Variants in CLIP4 observed in about 807,000 individuals in gnomAD.
CLIP4 encodes CAP-Gly domain-containing linker protein 4.
In CLIP4, 47 loss-of-function variants were observed where a neutral mutation model predicts 73.1. That is an observed-to-expected ratio of 0.64 (90% CI 0.51 to 0.82). The LOEUF (loss-of-function observed/expected upper bound fraction) is 0.82. Ranked by LOEUF, CLIP4 falls within the 40% of genes least tolerant of loss-of-function variation. The probability of loss-of-function intolerance (pLI) is 0.00; values close to 1 mark genes in which losing one functional copy is unlikely to be tolerated. For synonymous variants in CLIP4, 306 were observed against 295.4 expected (o/e 1.04, Z -0.37); for missense variants, 874 against 852.9 (o/e 1.02, Z -0.31).
intron 11 of CLIP4, among the ~76,000 whole-genome samples, chr2:29,159,395 GA>G (rs1178697973): frequency 6.6e-6 from 1 of 152,090 alleles, no homozygotes; most frequent in Non-Finnish European, 1.5e-5. Flanking sequence ...TGTTATATTT[GA>G]ACAGCTTTCT....
At chr2:29,130,843 A>T (rs887339596) in intron 2 of CLIP4, 6 of 1,289,596 alleles carry the variant, frequency 4.7e-6, no homozygotes, top group Non-Finnish European at 6.1e-6. Flanking sequence ...AAAAACCTCA[A>T]TGAGTCCCAC....
At chr2:29,141,948 A>G (rs1333143424) in intron 6 of CLIP4, among the ~76,000 whole-genome samples, 5 of 151,820 alleles carry the variant, frequency 3.3e-5, no homozygotes, top group African/African-American at 1.2e-4. Context: ...AGCAAGTATT[A>G]TTTTTTTGTT....
At position 29,183,102 on chromosome 2, in the gene CLIP4, A is replaced by G. The variant is rs991758177; in HGVS notation, c.*1209A>G. Reference sequence around the variant, plus strand: ...ACAAACTAAGCTTCACATTAGAGTGATGTCATAATGTAAAATGTTTGCATT... The same window carrying G: ...ACAAACTAAGCTTCACATTAGAGTGGTGTCATAATGTAAAATGTTTGCATT... On this transcript the variant is annotated 3_prime_UTR_variant, in exon 16 of 16. Coordinates refer to ENST00000320081, the MANE Select transcript of CLIP4 (RefSeq NM_024692.6). The G allele has an allele frequency of 6.6e-6, 1 of 152,516 alleles. No homozygotes were observed. Among genetic ancestry groups the G allele is most frequent in the Non-Finnish European group, 1.5e-5 (1 of 68,028 alleles). 9.4% of individuals were successfully genotyped at this position (152,516 alleles called of 1,614,324 possible).
intron 1 of CLIP4, chr2:29,118,135 C>T (rs1663996597): frequency 6.6e-6 from 1 of 152,096 alleles, no homozygotes; most frequent in Middle Eastern, 3.2e-3. Flanking sequence ...AATGAAAGGG[C>T]CTCATGATTC....
intron 4 of CLIP4, among the ~76,000 whole-genome samples, chr2:29,133,271 A>G (rs998275430): frequency 6.6e-6 from 1 of 152,220 alleles, no homozygotes; most frequent in Admixed American, 6.5e-5. Context: ...AAGCAATAAA[A>G]GGTACACACA....
At chr2:29,134,644 G>C (rs1246932685) in intron 5 of CLIP4, among the ~76,000 whole-genome samples, 1 of 152,064 alleles carries the variant, frequency 6.6e-6, no homozygotes, top group Non-Finnish European at 1.5e-5. Context: ...TGCAGTTGTA[G>C]GAAGGGTATG....
At chr2:29,140,300 A>T (rs1013442420) in intron 6 of CLIP4, among the ~76,000 whole-genome samples, 2 of 151,998 alleles carry the variant, frequency 1.3e-5, no homozygotes, top group African/African-American at 2.4e-5. Flanking sequence ...TCATTGTTCA[A>T]TTCCCACCTA....
At chr2:29,140,802 G>A (rs1303014050) in intron 6 of CLIP4, among the ~76,000 whole-genome samples, 1 of 152,146 alleles carries the variant, frequency 6.6e-6, no homozygotes, top group Non-Finnish European at 1.5e-5. Flanking sequence ...TCTCATTGTG[G>A]TTTTGATTTG....
chr2:29,112,785 G>A (rs944790432), upstream of CLIP4, among the ~76,000 whole-genome samples: 10 of 152,244 alleles, frequency 6.6e-5, no homozygotes, highest in Admixed American at 1.3e-4. Flanking sequence ...TGACAGTTGG[G>A]TGTCTCTCAT....
At chr2:29,144,976 C>G (rs567463841) in intron 7 of CLIP4, among the ~76,000 whole-genome samples, 1 of 151,320 alleles carries the variant, frequency 6.6e-6, no homozygotes. Context: ...AATTAGGATT[C>G]TTATGTCTTC....
In CLIP4 at chr2:29,143,354, TC is replaced by T. The variant is rs763082307; in HGVS notation, c.649-351del. On this transcript the variant is annotated intron_variant, in intron 6 of 15. Coordinates refer to ENST00000320081, the MANE Select transcript of CLIP4 (RefSeq NM_024692.6). ...CCCTGACCACTTAATCTAAAGAGTT[TC>T]CCCTACAACCATCTCTGTCTCCACA... 2.4e-4 allele frequency among the ~76,000 whole-genome samples: 36 copies of T among 151,186 alleles called. 1 individual carries two copies. In the East Asian group the frequency reaches 2.7e-3, roughly 11 times the overall value.
intron 2 of CLIP4, among the ~76,000 whole-genome samples, chr2:29,122,105 C>T (rs902729482): frequency 6.6e-6 from 1 of 152,100 alleles, no homozygotes; most frequent in African/African-American, 2.4e-5. Context: ...TTCACCATTT[C>T]AAATTGTTTT....
intron 7 of CLIP4, 79 bp downstream of exon 7, chr2:29,144,024 G>C: frequency 8.3e-7 from 1 of 1,200,692 alleles, no homozygotes; most frequent in Non-Finnish European, 1.2e-6. Flanking sequence ...TATGGTCAGA[G>C]TTTTGAGTTT....
intron 1 of CLIP4, among the ~76,000 whole-genome samples, chr2:29,107,359 T>TTTTTTTTTG: frequency 6.3e-5 from 3 of 47,784 alleles, no homozygotes; most frequent in South Asian, 7.2e-4. Context: ...AACATGATAG[T>TTTTTTTTTG]TTTTTTTTTT....
At position 29,143,927 on chromosome 2, in the gene CLIP4, T is replaced by A. The variant is rs763411760; in HGVS notation, c.867T>A (p.Val289=). The A allele has an allele frequency of 6.2e-7, 1 of 1,614,122 alleles. No homozygotes were observed. The highest frequency in any genetic ancestry group is 1.3e-5 in the African/African-American group (1 of 75,062). ...TSLGLKLGDR[V]VIAGQKVGTL... is the part of the protein sequence containing the mutation. ...TTGGCCTGAAGTTGGGGGATCGTGTTGTTATTGCAGGACAGAAGGTACAGT... is the reference window on the plus strand; with the variant it reads ...TTGGCCTGAAGTTGGGGGATCGTGTAGTTATTGCAGGACAGAAGGTACAGT... Residue 289 remains valine (V), a synonymous_variant, in exon 7 of 16, where the codon GTT becomes GTA. Coordinates refer to ENST00000320081, the MANE Select transcript of CLIP4 (RefSeq NM_024692.6).
intron 8 of CLIP4, among the ~76,000 whole-genome samples, chr2:29,148,922 T>A (rs1342405624): frequency 2.0e-5 from 3 of 152,226 alleles, no homozygotes; most frequent in African/African-American, 7.2e-5. Flanking sequence ...ACATGTTGAT[T>A]TCTCCCCTCA....
intron 8 of CLIP4, among the ~76,000 whole-genome samples, chr2:29,147,306 A>G (rs930914886): frequency 6.6e-6 from 1 of 152,104 alleles, no homozygotes; most frequent in Non-Finnish European, 1.5e-5. Context: ...AAATTGGGAT[A>G]TTAGTGTGTC....
At chr2:29,168,329 T>G (rs1387138369) in intron 14 of CLIP4, among the ~76,000 whole-genome samples, 1 of 152,128 alleles carries the variant, frequency 6.6e-6, no homozygotes, top group Non-Finnish European at 1.5e-5. Flanking sequence ...ATCTTTTATC[T>G]TATTAATTTG....
intron 13 of CLIP4, 97 bp downstream of exon 13, chr2:29,164,051 G>A: frequency 2.0e-6 from 2 of 1,022,274 alleles, no homozygotes; most frequent in East Asian, 2.6e-5. Context: ...TGCTCTGATT[G>A]TAGCTCATGT....
Sources: gnomAD v4.1 joint callset for allele counts (sites outside exome capture counted in the v4.1 genomes callset) on GRCh38, gnomAD v4.1.1 for gene constraint, MANE v1.5 for transcripts, NCBI Gene and HGNC (gene_info 2026-07-23, HGNC 2026-07-21) for gene names.